The following ZNF831 variants were observed in gnomAD, a reference collection of about 807,000 sequenced individuals.
The protein encoded by ZNF831 is zinc finger protein 831.
A neutral mutation model predicts 95.8 loss-of-function variants in ZNF831; 59 were observed. The observed-to-expected ratio is 0.62, with a 90% confidence interval of 0.50 to 0.77. The LOEUF is 0.77. ZNF831 is among the 30% of genes least tolerant of loss of function. ZNF831 has a pLI of 0.00. For synonymous variants in ZNF831, 961 were observed against 925.5 expected (o/e 1.04, Z -0.70); for missense variants, 2,205 against 2,164.0 (o/e 1.02, Z -0.38).
At chr20:59,211,689 C>T (rs1319427846) in intron 4 of ZNF831, among the ~76,000 whole-genome samples, 1 of 152,162 alleles carries the variant, frequency 6.6e-6, no homozygotes, top group African/African-American at 2.4e-5. Context: ...TGGCGGTCCA[C>T]CACTTATAAA....
intron 1 of ZNF831, among the ~76,000 whole-genome samples, chr20:59,136,560 G>C (rs1210853260): frequency 6.6e-6 from 1 of 152,156 alleles, no homozygotes; most frequent in Non-Finnish European, 1.5e-5. Flanking sequence ...GCATGTTCAT[G>C]TTTAAACCTG....
Position 59,191,898 on chromosome 20 carries a change from C to T in ZNF831, c.879C>T (p.Ala293=), listed in dbSNP as rs764562967. Residue 293 remains alanine, a synonymous_variant, in exon 2 of 6, where the codon GCC becomes GCT. Coordinates refer to ENST00000371030, the MANE Select transcript of ZNF831 (RefSeq NM_178457.3). ...APMASPGLPA[A]STQPWRKLPE... ...TGGCGTCACCTGGGCTCCCAGCGGCCAGCACACAACCCTGGCGTAAGTTGC... is the reference window on the plus strand; with the variant it reads ...TGGCGTCACCTGGGCTCCCAGCGGCTAGCACACAACCCTGGCGTAAGTTGC... The T allele has an allele frequency of 1.2e-6, 2 of 1,612,694 alleles. No homozygotes were observed. The highest frequency in any genetic ancestry group is 2.7e-5 in the African/African-American group (2 of 74,932).
At chr20:59,225,311 C>G (rs1468366523) in intron 4 of ZNF831, among the ~76,000 whole-genome samples, 3 of 152,156 alleles carry the variant, frequency 2.0e-5, no homozygotes, top group Non-Finnish European at 4.4e-5. Flanking sequence ...CTTGGATTTT[C>G]CACGGCTGGT....
intron 3 of ZNF831, among the ~76,000 whole-genome samples, chr20:59,196,698 A>G (rs1023656364): frequency 6.6e-6 from 1 of 152,052 alleles, no homozygotes; most frequent in African/African-American, 2.4e-5. Flanking sequence ...TCTAATCCAC[A>G]TTCTAATCCC....
In ZNF831 at chr20:59,148,540, C is replaced by T. The variant is rs556816687; in HGVS notation, c.-1281+2166C>T. Among the ~76,000 whole-genome samples the T allele has an allele frequency of 9.8e-4, 136 of 138,892 alleles. 13 individuals are homozygous for T. Among genetic ancestry groups the T allele is most frequent in the African/African-American group, 3.6e-3 (129 of 36,252 alleles). The allele number at this position is 138,892 out of a possible 152,430, so 91.1% of individuals were successfully genotyped here. ...ACTAAAAATACAAAAATTAGCCGGG[C>T]ATGGTGGCGCGCGCCTGTAGTCCCA... On this transcript the variant is annotated intron_variant, in intron 2 of 7. Transcript: ENST00000637017.
chr20:59,184,596 C>A (rs1298148191), intron 1 of ZNF831, among the ~76,000 whole-genome samples: 1 of 152,150 alleles, frequency 6.6e-6, no homozygotes, highest in Non-Finnish European at 1.5e-5. Context: ...CGTAAGTGGT[C>A]CCCATACGTG....
intron 2 of ZNF831, among the ~76,000 whole-genome samples, chr20:59,151,939 G>A (rs1980269762): frequency 6.6e-6 from 1 of 152,134 alleles, no homozygotes; most frequent in Non-Finnish European, 1.5e-5. Context: ...ATGCTGGTGT[G>A]GGGGCCATAT....
At position 59,195,969 on chromosome 20, in the gene ZNF831, A is replaced by T. The variant is rs1984072749; in HGVS notation, c.3839A>T (p.Asn1280Ile). 1 of 1,614,174 alleles carries T rather than the reference A, an allele frequency of 6.2e-7. No homozygotes were observed. Among genetic ancestry groups the T allele is most frequent in the Admixed American group, 1.7e-5 (1 of 60,022 alleles). The change falls in exon 3 of 6, where the codon AAC becomes ATC. Residue 1280 changes from asparagine to isoleucine, a missense_variant. By Grantham distance (149) the Asn-to-Ile change is moderately radical (BLOSUM62 -3). Transcript: ENST00000371030. ...LPWRAKMSRG[N>I]SKQRKLKINP... ...TGGAGGGCAAAGATGTCTCGTGGGA[A>T]CAGCAAGCAGAGAAAACTGAAGATC...
intron 1 of ZNF831, among the ~76,000 whole-genome samples, 32 bp downstream of exon 1, chr20:59,164,239 A>G (rs553515123): frequency 2.6e-5 from 4 of 152,344 alleles, no homozygotes; most frequent in Admixed American, 6.5e-5. Flanking sequence ...ATAAGCATAT[A>G]TAAAATGTCA....
At chr20:59,142,402 T>C (rs1979710821) in intron 1 of ZNF831, among the ~76,000 whole-genome samples, 1 of 152,214 alleles carries the variant, frequency 6.6e-6, no homozygotes, top group African/African-American at 2.4e-5. Context: ...CTGAACAGCC[T>C]TCTTTCCTCC....
Position 59,194,090 on chromosome 20 carries a change from G to C in ZNF831, c.3071G>C (p.Gly1024Ala), listed in dbSNP as rs751059121. 1 of 1,541,860 alleles carries C rather than the reference G, an allele frequency of 6.5e-7. No homozygotes were observed. Among genetic ancestry groups the C allele is most frequent in the Admixed American group, 2.0e-5 (1 of 51,266 alleles). The change falls in exon 2 of 6, where the codon GGG becomes GCG. Residue 1024 changes from glycine (G) to alanine (A), a missense_variant. By Grantham distance (60) the Gly-to-Ala change is moderately conservative. Transcript: ENST00000371030. ...QDGRKGAQLG[G>A]DKGDRMATSR... ...GGGAGAAAAGGGGCACAGTTGGGGGGGGACAAGGGGGACAGGATGGCCACT... is the reference window on the plus strand; with the variant it reads ...GGGAGAAAAGGGGCACAGTTGGGGGCGGACAAGGGGGACAGGATGGCCACT...
At chr20:59,197,952 T>C (rs56014414) in intron 3 of ZNF831, among the ~76,000 whole-genome samples, 34,508 of 152,064 alleles carry the variant, frequency 0.23, 4,135 homozygotes, top group African/African-American at 0.29. Context: ...ATGTGACTGA[T>C]AGTTGATGAG....
intron 4 of ZNF831, among the ~76,000 whole-genome samples, chr20:59,211,947 A>G (rs1264864000): frequency 6.6e-6 from 1 of 152,202 alleles, no homozygotes; most frequent in East Asian, 1.9e-4. Flanking sequence ...TCCAACAAAG[A>G]AATTGAGAAT....
intron 1 of ZNF831, among the ~76,000 whole-genome samples, chr20:59,125,757 A>G (rs938280915): frequency 3.9e-5 from 6 of 152,102 alleles, no homozygotes; most frequent in Non-Finnish European, 5.9e-5. Flanking sequence ...GCTTTACCCA[A>G]CCATTTTTCA....
intron 1 of ZNF831, among the ~76,000 whole-genome samples, chr20:59,170,166 T>G (rs1048544624): frequency 6.6e-6 from 1 of 152,128 alleles, no homozygotes; most frequent in Admixed American, 6.6e-5. Flanking sequence ...TGTGGGTACA[T>G]AGTAGGTGTA....
chr20:59,151,727 T>G (rs1184657894), intron 2 of ZNF831, among the ~76,000 whole-genome samples: 1 of 152,182 alleles, frequency 6.6e-6, no homozygotes, highest in Admixed American at 6.5e-5. Flanking sequence ...TAGCTAAGAT[T>G]GTTTTGTATT....
chr20:59,230,704 T>C (rs1986675099), intron 4 of ZNF831, among the ~76,000 whole-genome samples: 2 of 152,206 alleles, frequency 1.3e-5, no homozygotes, highest in Admixed American at 6.5e-5. Context: ...TATTTGGTGG[T>C]TGACAGACAT....
intron 4 of ZNF831, among the ~76,000 whole-genome samples, chr20:59,209,403 T>A (rs1478095384): frequency 1.3e-5 from 2 of 152,088 alleles, no homozygotes; most frequent in Admixed American, 1.3e-4. Context: ...TCTGGAAAGA[T>A]GGGGGTTCTT....
intron 1 of ZNF831, among the ~76,000 whole-genome samples, chr20:59,186,860 C>G (rs1983086782): frequency 6.6e-6 from 1 of 151,128 alleles, no homozygotes; most frequent in Non-Finnish European, 1.5e-5. Context: ...AGGAGAGGGA[C>G]AGAGAGTGGG....
Sources: gnomAD v4.1 joint callset for allele counts (sites outside exome capture counted in the v4.1 genomes callset) on GRCh38, gnomAD v4.1.1 for gene constraint, MANE v1.5 for transcripts, NCBI Gene and HGNC (gene_info 2026-07-23, HGNC 2026-07-21) for gene names.